PREX2: variants seen among roughly 807,000 people sequenced by gnomAD.
The protein encoded by PREX2 is phosphatidylinositol 3,4,5-trisphosphate-dependent Rac exchanger 2 protein.
A neutral mutation model predicts 203.2 loss-of-function variants in PREX2; 107 were observed. The observed-to-expected ratio is 0.53, with a 90% CI of 0.45 to 0.62. The LOEUF is 0.62. Among genes scored for constraint, PREX2 ranks in the 20% least tolerant of loss-of-function variants. The pLI is 0.00. For missense variants in PREX2, 1,777 were observed against 1,955.9 expected (o/e 0.91, Z 1.72); for synonymous variants, 672 against 663.6 (o/e 1.01, Z -0.19).
At position 68,118,577 on chromosome 8, in the gene PREX2, C is replaced by A; in HGVS notation, c.3354C>A (p.Ile1118=). The A allele has an allele frequency of 1.2e-6, 2 of 1,613,892 alleles. No homozygotes were observed. Among genetic ancestry groups the A allele is most frequent in the Non-Finnish European group, 1.7e-6 (2 of 1,179,810 alleles). Reference sequence around the variant, plus strand: ...ACTGCAACAGCAATAGGAATTCCATCGCCTCCTTCACCAGCATCTGCAGCA... The same window carrying A: ...ACTGCAACAGCAATAGGAATTCCATAGCCTCCTTCACCAGCATCTGCAGCA... ...YSDCNSNRNS[I]ASFTSICSSQ... The change falls in exon 27 of 40, where the codon ATC becomes ATA. Residue 1118 remains isoleucine, a synonymous_variant. Coordinates refer to ENST00000288368, the MANE Select transcript of PREX2 (RefSeq NM_024870.4).
chr8:67,983,765 T>C (rs1346089469), intron 1 of PREX2, among the ~76,000 whole-genome samples: 2 of 152,218 alleles, frequency 1.3e-5, no homozygotes, highest in Non-Finnish European at 2.9e-5. Flanking sequence ...TTAGTAGTGA[T>C]TAGGGTTGTG....
chr8:68,095,916 A>G (rs1289380969), intron 21 of PREX2, among the ~76,000 whole-genome samples: 1 of 152,110 alleles, frequency 6.6e-6, no homozygotes, highest in Admixed American at 6.6e-5. Context: ...TGTTGGGATT[A>G]CAGGCATGAG....
chr8:68,073,910 A>G (rs905199927), intron 14 of PREX2, among the ~76,000 whole-genome samples: 1 of 151,634 alleles, frequency 6.6e-6, no homozygotes, highest in Non-Finnish European at 1.5e-5. Context: ...TTTTTTTGGC[A>G]CTTTTACTTT....
At chr8:67,993,400 C>CTTT (rs5892121) in intron 1 of PREX2, among the ~76,000 whole-genome samples, 13 of 108,264 alleles carry the variant, frequency 1.2e-4, no homozygotes, top group African/African-American at 2.5e-4. Context: ...TTACTTCAGT[C>CTTT]TTTTTTTTTT....
At chr8:68,067,622 G>C (rs553285079) in intron 11 of PREX2, among the ~76,000 whole-genome samples, 5 of 151,726 alleles carry the variant, frequency 3.3e-5, no homozygotes, top group Non-Finnish European at 5.9e-5. Flanking sequence ...ATTAGTTTTT[G>C]GTGGAAGTTA....
chr8:68,143,571 G>A (rs369956572), intron 33 of PREX2, among the ~76,000 whole-genome samples: 1 of 54,174 alleles, frequency 1.8e-5, no homozygotes, highest in South Asian at 3.7e-4. Flanking sequence ...AGTTTGAAGA[G>A]TTATCTGTGT....
intron 15 of PREX2, 128 bp downstream of exon 15, chr8:68,077,597 T>G: frequency 1.3e-6 from 1 of 743,180 alleles, no homozygotes. Flanking sequence ...GGTCTTGCCA[T>G]GGGTTCAGGT....
At chr8:68,111,175 G>A (rs1164695139) in intron 25 of PREX2, 2 of 200,902 alleles carry the variant, frequency 1.0e-5, no homozygotes, top group Non-Finnish European at 2.0e-5. Flanking sequence ...TAGTGGCATT[G>A]AATCATAGCT....
chr8:67,952,585 G>T, intron 1 of PREX2, 50 bp downstream of exon 1: 1 of 1,581,516 alleles, frequency 6.3e-7, no homozygotes, highest in East Asian at 2.3e-5. Context: ...CGCGGGGCGC[G>T]GGTCCCGGAG....
chr8:68,137,861 A>G (rs1454148862), intron 32 of PREX2, among the ~76,000 whole-genome samples: 1 of 152,230 alleles, frequency 6.6e-6, no homozygotes, highest in Non-Finnish European at 1.5e-5. Context: ...CTAAGACGCC[A>G]TAAAGCCAAG....
intron 22 of PREX2, among the ~76,000 whole-genome samples, chr8:68,098,938 GTATATA>G (rs71253061): frequency 0.018 from 1,942 of 109,702 alleles, 28 homozygotes; most frequent in South Asian, 0.036. Flanking sequence ...ATATATATGT[GTATATA>G]TATATATATA....
intron 37 of PREX2, among the ~76,000 whole-genome samples, chr8:68,200,320 A>C (rs202215114): frequency 6.6e-6 from 1 of 152,152 alleles, no homozygotes; most frequent in East Asian, 1.9e-4. Context: ...AATTGGTACC[A>C]CTATCTTTTC....
At position 68,185,550 on chromosome 8, in the gene PREX2, C is replaced by G. The variant is rs553224042; in HGVS notation, c.4347-6172C>G. Among the ~76,000 whole-genome samples the G allele has an allele frequency of 3.9e-4, 60 of 152,294 alleles. 1 individual carries two copies. Among genetic ancestry groups the G allele is most frequent in the African/African-American group, 1.3e-3 (53 of 41,564 alleles). ...TTTATACCTTTAATTTCACCTATCA[C>G]TTCCCTGTCTTGCATTATAAATACC... On this transcript the variant is annotated intron_variant, in intron 35 of 39. Coordinates refer to ENST00000288368, the MANE Select transcript of PREX2 (RefSeq NM_024870.4).
At chr8:68,152,815 T>G (rs1291522931) in intron 34 of PREX2, among the ~76,000 whole-genome samples, 1 of 152,172 alleles carries the variant, frequency 6.6e-6, no homozygotes, top group Admixed American at 6.5e-5. Context: ...CTGGCAAAGC[T>G]TCTGCAGGCA....
At chr8:68,212,912 G>A (rs1259197558) in intron 37 of PREX2, among the ~76,000 whole-genome samples, 1 of 152,180 alleles carries the variant, frequency 6.6e-6, no homozygotes, top group Non-Finnish European at 1.5e-5. Context: ...GAGAGAATAT[G>A]CCACAGAGTA....
intron 17 of PREX2, 57 bp downstream of exon 17, chr8:68,080,895 A>C (rs1250965976): frequency 1.1e-5 from 11 of 970,678 alleles, no homozygotes; most frequent in East Asian, 4.8e-5. Context: ...AAATAGAGAA[A>C]TTCTAAACAA....
chr8:68,093,676 G>C lies in PREX2; in HGVS notation c.2322G>C (p.Lys774Asn). 1 of 1,610,918 alleles carries C rather than the reference G, an allele frequency of 6.2e-7. No individual in the cohort carries two copies. Among genetic ancestry groups the C allele is most frequent in the Non-Finnish European group, 8.5e-7 (1 of 1,177,394 alleles). ...AQEDLQKSHSKPPGDEAGDAF... is the reference protein window; with the variant it reads ...AQEDLQKSHSNPPGDEAGDAF... ...AAGACCTTCAAAAATCTCACTCCAAGCCCCCTGGAGATGAAGCAGGGGATG... is the reference window on the plus strand; with the variant it reads ...AAGACCTTCAAAAATCTCACTCCAACCCCCCTGGAGATGAAGCAGGGGATG... The change falls in exon 21 of 40, where the codon AAG becomes AAC. Residue 774 changes from lysine (K) to asparagine (N), a missense_variant. By Grantham distance (94) the Lys-to-Asn change is moderately conservative. Transcript: ENST00000288368.
At chr8:68,228,534 A>G (rs1395231404) in intron 39 of PREX2, among the ~76,000 whole-genome samples, 2 of 152,048 alleles carry the variant, frequency 1.3e-5, no homozygotes, top group Non-Finnish European at 2.9e-5. Context: ...AGGCCGAGGC[A>G]GGCGGATCAT....
At chr8:68,186,308 A>C (rs1017869694) in intron 35 of PREX2, among the ~76,000 whole-genome samples, 1 of 152,184 alleles carries the variant, frequency 6.6e-6, no homozygotes, top group East Asian at 1.9e-4. Flanking sequence ...GATATGCTTT[A>C]TAATATTTTA....
Sources: allele counts gnomAD v4.1 joint callset (sites outside exome capture counted in the v4.1 genomes callset), GRCh38; gene constraint gnomAD v4.1.1; transcripts MANE v1.5; gene names NCBI Gene and HGNC (gene_info 2026-07-23, HGNC 2026-07-21).